SIPA1L1: variants seen among roughly 807,000 people sequenced by gnomAD.
SIPA1L1 encodes the protein signal induced proliferation associated 1 like 1.
SIPA1L1 carries 26 observed loss-of-function variants against 162.7 expected under a neutral mutation model. The ratio of observed to expected loss-of-function variants is 0.16; its 90% CI spans 0.12 to 0.22. The LOEUF is 0.22. Among genes scored for constraint, SIPA1L1 ranks in the 10% least tolerant of loss-of-function variants. The probability of loss-of-function intolerance (pLI) is 1.00; values close to 1 mark genes in which losing one functional copy is unlikely to be tolerated. For missense variants in SIPA1L1, 1,874 were observed against 2,241.0 expected, an observed-to-expected ratio of 0.84 and a Z score of 3.31; for synonymous variants, 829 against 837.4, an observed-to-expected ratio of 0.99 and a Z score of 0.17.
intron 4 of SIPA1L1, among the ~76,000 whole-genome samples, chr14:71,545,992 C>T (rs762588187): frequency 1.3e-5 from 2 of 151,842 alleles, no homozygotes; most frequent in East Asian, 1.9e-4. Context: ...TCCAGGCTGT[C>T]GCAAAAGGTG....
chr14:71,580,652 C>T (rs778316193), intron 4 of SIPA1L1, among the ~76,000 whole-genome samples: 5 of 152,176 alleles, frequency 3.3e-5, no homozygotes, highest in Non-Finnish European at 7.3e-5. Flanking sequence ...AGCACAAGAA[C>T]ATCTTACAGG....
chr14:71,423,570 T>C (rs921146454), intron 2 of SIPA1L1, among the ~76,000 whole-genome samples: 3 of 152,198 alleles, frequency 2.0e-5, no homozygotes, highest in Non-Finnish European at 2.9e-5. Context: ...GAAAGGACTG[T>C]CCTTTCCCCA....
intron 2 of SIPA1L1, among the ~76,000 whole-genome samples, 148 bp from the exon 3 acceptor site, chr14:71,512,585 CAAAAAAAAAA>C (rs550540510): frequency 2.2e-5 from 1 of 46,410 alleles, no homozygotes; most frequent in African/African-American, 8.8e-5. Context: ...GACTCTGTCT[CAAAAAAAAAA>C]AAAAAAAAGG....
At chr14:71,372,094 G>A (rs969766275) in intron 2 of SIPA1L1, among the ~76,000 whole-genome samples, 3 of 152,106 alleles carry the variant, frequency 2.0e-5, no homozygotes, top group Admixed American at 6.5e-5. Context: ...ATACTGTCTC[G>A]TTCATGGTTT....
chr14:71,522,691 C>T (rs896598022), intron 3 of SIPA1L1, among the ~76,000 whole-genome samples: 2 of 151,278 alleles, frequency 1.3e-5, no homozygotes, highest in Non-Finnish European at 2.9e-5. Flanking sequence ...CTTAATTTCT[C>T]TCTCTCTTTT....
chr14:71,528,577 T>A (rs1014089619), intron 3 of SIPA1L1: 2 of 152,028 alleles, frequency 1.3e-5, no homozygotes, highest in Non-Finnish European at 2.9e-5. Flanking sequence ...TGCTTGAACC[T>A]GGGAGGCAGA....
chr14:71,405,368 A>G (rs201095784), intron 2 of SIPA1L1, among the ~76,000 whole-genome samples: 2 of 152,240 alleles, frequency 1.3e-5, no homozygotes, highest in South Asian at 2.1e-4. Context: ...CAGAGGTTCC[A>G]GATGAAATTG....
intron 2 of SIPA1L1, among the ~76,000 whole-genome samples, chr14:71,441,937 C>A (rs895363840): frequency 2.0e-5 from 3 of 151,562 alleles, no homozygotes; most frequent in South Asian, 2.1e-4. Context: ...TTTGGGAGGC[C>A]AAGGCAGGCA....
At chr14:71,737,651 G>A (rs1243320197) in intron 22 of SIPA1L1, among the ~76,000 whole-genome samples, 1 of 152,162 alleles carries the variant, frequency 6.6e-6, no homozygotes, top group Non-Finnish European at 1.5e-5. Flanking sequence ...AAAATGAGAA[G>A]AAAATGGTTT....
intron 14 of SIPA1L1, among the ~76,000 whole-genome samples, chr14:71,700,994 CAAAAAAAAAAAAAAAA>C (rs539293669): frequency 5.4e-4 from 28 of 51,744 alleles, no homozygotes; most frequent in African/African-American, 6.9e-4. Context: ...GACTCCGTCT[CAAAAAAAAAAAAAAAA>C]AAAAAAAAAA....
chr14:71,351,576 G>C (rs1356887386), intron 2 of SIPA1L1, among the ~76,000 whole-genome samples: 1 of 151,476 alleles, frequency 6.6e-6, no homozygotes, highest in Non-Finnish European at 1.5e-5. Context: ...ATAGAATTCA[G>C]AGTGTAAGAG....
At chr14:71,337,189 G>GTC (rs1369536467) in intron 2 of SIPA1L1, among the ~76,000 whole-genome samples, 1 of 152,194 alleles carries the variant, frequency 6.6e-6, no homozygotes, top group Non-Finnish European at 1.5e-5. Context: ...ACCAGACTAT[G>GTC]TCTCTGCCTT....
intron 2 of SIPA1L1, among the ~76,000 whole-genome samples, chr14:71,367,486 T>A (rs1161009312): frequency 6.6e-6 from 1 of 151,756 alleles, no homozygotes; most frequent in East Asian, 1.9e-4. Context: ...TTTTTGTATT[T>A]TTTACTGGAG....
intron 2 of SIPA1L1, among the ~76,000 whole-genome samples, chr14:71,362,293 A>G (rs1270677691): frequency 1.3e-5 from 2 of 152,264 alleles, no homozygotes; most frequent in African/African-American, 4.8e-5. Context: ...GTTTTAAAAA[A>G]TGGGCAGTTT....
At chr14:71,336,550 A>G (rs2035111713) in intron 2 of SIPA1L1, among the ~76,000 whole-genome samples, 2 of 152,226 alleles carry the variant, frequency 1.3e-5, no homozygotes, top group South Asian at 4.1e-4. Flanking sequence ...TGGTAATGTT[A>G]CAGATTTAAG....
At chr14:71,546,120 A>C (rs1294476150) in intron 4 of SIPA1L1, among the ~76,000 whole-genome samples, 2 of 152,088 alleles carry the variant, frequency 1.3e-5, no homozygotes, top group African/African-American at 4.8e-5. Context: ...TCTCATACTT[A>C]GGTTTTTTAC....
intron 5 of SIPA1L1, 81 bp from the exon 6 acceptor site, chr14:71,618,676 A>G (rs1056585329): frequency 2.6e-5 from 33 of 1,256,878 alleles, no homozygotes; most frequent in African/African-American, 1.8e-4. Flanking sequence ...CTGAGTGACA[A>G]CCTTAAATAC....
intron 20 of SIPA1L1, among the ~76,000 whole-genome samples, chr14:71,731,006 A>G (rs546889866): frequency 1.3e-5 from 2 of 152,240 alleles, no homozygotes; most frequent in South Asian, 4.1e-4. Flanking sequence ...GGCCCAGCAC[A>G]GCAGATGCCT....
At chr14:71,372,091 C>CT (rs1348954027) in intron 2 of SIPA1L1, among the ~76,000 whole-genome samples, 58 of 152,220 alleles carry the variant, frequency 3.8e-4, no homozygotes, top group African/African-American at 1.3e-3. Context: ...ATGATACTGT[C>CT]TCGTTCATGG....
Sources: allele counts gnomAD v4.1 joint callset (sites outside exome capture counted in the v4.1 genomes callset), GRCh38; gene constraint gnomAD v4.1.1; transcripts MANE v1.5; gene names NCBI Gene and HGNC (gene_info 2026-07-23, HGNC 2026-07-21).